The following KCNMB2 variants were observed in gnomAD, a reference collection of about 807,000 sequenced individuals.
The protein encoded by KCNMB2 is potassium calcium-activated channel subfamily M regulatory beta subunit 2, also known as calcium-activated potassium channel subunit beta-2.
KCNMB2 carries 9 observed loss-of-function variants against 24.5 expected under a neutral mutation model. That is an observed-to-expected ratio of 0.37 (90% CI 0.22 to 0.64). KCNMB2 has a LOEUF of 0.64. KCNMB2 is among the 30% of genes least tolerant of loss of function. The pLI is 0.63. For synonymous variants in KCNMB2, 109 were observed against 104.4 expected (o/e 1.04, Z -0.27); for missense variants, 226 against 284.3 (o/e 0.79, Z 1.47).
At chr3:178,627,007 T>C (rs1326647353) in intron 1 of KCNMB2, among the ~76,000 whole-genome samples, 1 of 151,582 alleles carries the variant, frequency 6.6e-6, no homozygotes, top group Non-Finnish European at 1.5e-5. Flanking sequence ...AATCCAAGGT[T>C]ATAAAATTAA....
intron 1 of KCNMB2, among the ~76,000 whole-genome samples, chr3:178,778,458 A>ACACGCG (rs1712678001): frequency 2.7e-5 from 1 of 37,048 alleles, no homozygotes; most frequent in Non-Finnish European, 4.8e-5. Context: ...CCTTTAAGAC[A>ACACGCG]CACACACACA....
intron 1 of KCNMB2, among the ~76,000 whole-genome samples, chr3:178,547,646 T>C (rs2108451580): frequency 6.6e-6 from 1 of 152,318 alleles, no homozygotes; most frequent in South Asian, 2.1e-4. Context: ...CTTCCCAGGT[T>C]CTCTCCTACT....
intron 1 of KCNMB2, among the ~76,000 whole-genome samples, chr3:178,765,402 C>A (rs1275472262): frequency 3.3e-5 from 5 of 152,122 alleles, no homozygotes; most frequent in Admixed American, 6.5e-5. Context: ...TAAAATAAAA[C>A]CACCTCTCAT....
chr3:178,604,769 A>G (rs1718214948), intron 1 of KCNMB2, among the ~76,000 whole-genome samples: 1 of 152,218 alleles, frequency 6.6e-6, no homozygotes, highest in Non-Finnish European at 1.5e-5. Flanking sequence ...ATGAGAAAGC[A>G]TAGAATCTGG....
At chr3:178,810,988 G>C (rs1175391849) in intron 2 of KCNMB2, among the ~76,000 whole-genome samples, 1 of 143,848 alleles carries the variant, frequency 7.0e-6, no homozygotes, top group African/African-American at 2.6e-5. Context: ...TCCTGACCTC[G>C]TGATCCGCCC....
At chr3:178,599,980 C>T (rs901492736) in intron 1 of KCNMB2, among the ~76,000 whole-genome samples, 8 of 152,232 alleles carry the variant, frequency 5.3e-5, no homozygotes, top group African/African-American at 7.2e-5. Context: ...TGGGTTTAAA[C>T]GATTCTCCTG....
chr3:178,742,456 A>G (rs984959910), intron 1 of KCNMB2, among the ~76,000 whole-genome samples: 4 of 152,216 alleles, frequency 2.6e-5, no homozygotes, highest in Non-Finnish European at 5.9e-5. Flanking sequence ...TTGACCCCTA[A>G]TACATCACTA....
chr3:178,565,063 C>A lies in KCNMB2; in HGVS notation c.-68+28352C>A, dbSNP rs183609146. On this transcript the variant is annotated intron_variant, in intron 1 of 4. Transcript: ENST00000452583. ...ATAAAAATCAAAAATACAAAAATAT[C>A]ATAAGTAGAAAAATTAACTTTTTAT... Among the ~76,000 whole-genome samples, 15 of 151,512 alleles carry A rather than the reference C, an allele frequency of 9.9e-5. 1 individual carries two copies. Among genetic ancestry groups the A allele is most frequent in the Admixed American group, 9.8e-4 (15 of 15,258 alleles).
At chr3:178,568,663 C>T (rs1308254594) in intron 1 of KCNMB2, among the ~76,000 whole-genome samples, 2 of 150,460 alleles carry the variant, frequency 1.3e-5, no homozygotes, top group African/African-American at 4.8e-5. Context: ...TTTTCCAGTG[C>T]TTAGAAGACA....
chr3:178,669,220 G>A (rs1208436081), intron 1 of KCNMB2, among the ~76,000 whole-genome samples: 1 of 152,098 alleles, frequency 6.6e-6, no homozygotes, highest in Non-Finnish European at 1.5e-5. Context: ...TGACCCACAG[G>A]GGAATTCAGG....
intron 1 of KCNMB2, among the ~76,000 whole-genome samples, chr3:178,549,478 T>C (rs1009462687): frequency 7.0e-6 from 1 of 142,960 alleles, no homozygotes. Context: ...GCCCAGCTTT[T>C]TTTTTTTTTT....
chr3:178,680,222 T>C (rs1721219611), intron 1 of KCNMB2, among the ~76,000 whole-genome samples: 1 of 152,114 alleles, frequency 6.6e-6, no homozygotes, highest in Non-Finnish European at 1.5e-5. Context: ...AGAGATAAGG[T>C]GAGGAAGAGC....
intron 1 of KCNMB2, among the ~76,000 whole-genome samples, chr3:178,672,591 C>T (rs950575868): frequency 2.6e-5 from 4 of 152,136 alleles, no homozygotes; most frequent in Non-Finnish European, 4.4e-5. Context: ...GGAAATGCAG[C>T]GGAGAGGCAC....
At chr3:178,701,081 T>C (rs1448398232) in intron 1 of KCNMB2, among the ~76,000 whole-genome samples, 2 of 152,246 alleles carry the variant, frequency 1.3e-5, no homozygotes, top group African/African-American at 2.4e-5. Context: ...AAGGTTTTTA[T>C]GGTTTTAGGT....
chr3:178,698,054 T>G (rs1021053459), intron 1 of KCNMB2, among the ~76,000 whole-genome samples: 1 of 152,192 alleles, frequency 6.6e-6, no homozygotes, highest in East Asian at 1.9e-4. Flanking sequence ...CATTTAGATG[T>G]TGGAGAATCA....
chr3:178,541,305 C>A (rs1715608604), intron 1 of KCNMB2, among the ~76,000 whole-genome samples: 1 of 152,150 alleles, frequency 6.6e-6, no homozygotes, highest in Non-Finnish European at 1.5e-5. Context: ...ATCTCCTATA[C>A]AAATGACTAT....
chr3:178,635,259 C>A (rs1234967646), intron 1 of KCNMB2, among the ~76,000 whole-genome samples: 2 of 152,130 alleles, frequency 1.3e-5, no homozygotes, highest in African/African-American at 4.8e-5. Context: ...AGAACCAGCA[C>A]CATTTGGATA....
intron 1 of KCNMB2, among the ~76,000 whole-genome samples, chr3:178,591,415 CA>C (rs1399037375): frequency 6.6e-6 from 1 of 152,118 alleles, no homozygotes; most frequent in Admixed American, 6.6e-5. Context: ...CAGTAAGATT[CA>C]AAACATGCAT....
intron 4 of KCNMB2, among the ~76,000 whole-genome samples, chr3:178,839,388 G>A (rs948509906): frequency 6.6e-6 from 1 of 152,178 alleles, no homozygotes; most frequent in Non-Finnish European, 1.5e-5. Flanking sequence ...AGAAAGGGAA[G>A]TGTGAACAGG....
Sources: allele counts gnomAD v4.1 joint callset (sites outside exome capture counted in the v4.1 genomes callset), GRCh38; gene constraint gnomAD v4.1.1; transcripts MANE v1.5; gene names NCBI Gene and HGNC (gene_info 2026-07-23, HGNC 2026-07-21).